ANKS1B: variants seen among roughly 807,000 people sequenced by gnomAD.
ANKS1B encodes the protein ankyrin repeat and sterile alpha motif domain containing 1B, also known as ankyrin repeat and sterile alpha motif domain-containing protein 1B.
In ANKS1B, 36 loss-of-function variants were observed where a neutral mutation model predicts 148.3. The ratio of observed to expected loss-of-function variants is 0.24; its 90% CI spans 0.19 to 0.32. ANKS1B has a LOEUF of 0.32. ANKS1B is among the 10% of genes least tolerant of loss of function. ANKS1B has a pLI of 1.00. For synonymous variants in ANKS1B, 542 were observed against 560.8 expected, an observed-to-expected ratio of 0.97 and a Z score of 0.47; for missense variants, 1,157 against 1,542.6, an observed-to-expected ratio of 0.75 and a Z score of 4.19.
At chr12:99,939,327 C>T (rs763604219) in intron 1 of ANKS1B, among the ~76,000 whole-genome samples, 1 of 152,080 alleles carries the variant, frequency 6.6e-6, no homozygotes, top group Admixed American at 6.5e-5. Context: ...TGGGCTCAAG[C>T]AATCCTCCCA....
chr12:99,093,236 C>T (rs2054687534), intron 15 of ANKS1B: 1 of 152,226 alleles, frequency 6.6e-6, no homozygotes, highest in African/African-American at 2.4e-5. Context: ...TCTGAAAGGT[C>T]AACTGGTTAG....
intron 8 of ANKS1B, among the ~76,000 whole-genome samples, chr12:99,704,701 C>T (rs1187316163): frequency 1.3e-5 from 2 of 151,964 alleles, no homozygotes; most frequent in East Asian, 1.9e-4. Flanking sequence ...CATTCCCAAG[C>T]CAGGTCAAGA....
intron 15 of ANKS1B, 25 bp from the exon 16 acceptor site, chr12:99,085,048 A>G: frequency 6.5e-7 from 1 of 1,545,270 alleles, no homozygotes; most frequent in South Asian, 1.2e-5. Context: ...AAATGTTACA[A>G]GTTAAATCAA....
At chr12:99,542,926 G>A (rs1252141935) in intron 9 of ANKS1B, among the ~76,000 whole-genome samples, 1 of 151,802 alleles carries the variant, frequency 6.6e-6, no homozygotes, top group Non-Finnish European at 1.5e-5. Flanking sequence ...CCTTGGATAG[G>A]GTAATGGTTT....
intron 8 of ANKS1B, among the ~76,000 whole-genome samples, chr12:99,716,529 C>T (rs953056862): frequency 6.6e-6 from 1 of 152,116 alleles, no homozygotes; most frequent in Non-Finnish European, 1.5e-5. Flanking sequence ...AACCTAAATG[C>T]CTTATTTTCT....
intron 14 of ANKS1B, among the ~76,000 whole-genome samples, chr12:99,157,530 T>C (rs1489430888): frequency 6.6e-6 from 1 of 152,178 alleles, no homozygotes; most frequent in Admixed American, 6.6e-5. Flanking sequence ...GAATAAATGA[T>C]ATTGGAAATG....
intron 17 of ANKS1B, among the ~76,000 whole-genome samples, chr12:99,051,563 G>A (rs556092352): frequency 7.2e-5 from 11 of 152,344 alleles, no homozygotes; most frequent in African/African-American, 2.4e-4. Context: ...GTTCTTGACA[G>A]AGAATTGAAA....
chr12:99,305,291 T>C (rs575054356), intron 12 of ANKS1B, among the ~76,000 whole-genome samples: 1 of 152,136 alleles, frequency 6.6e-6, no homozygotes, highest in African/African-American at 2.4e-5. Context: ...GGGTCAAACA[T>C]CCAAACTATA....
At chr12:99,069,062 T>C (rs940094662) in intron 16 of ANKS1B, among the ~76,000 whole-genome samples, 2 of 152,158 alleles carry the variant, frequency 1.3e-5, no homozygotes, top group South Asian at 4.1e-4. Flanking sequence ...TCCATTCCCA[T>C]CTCTGGACTT....
chr12:99,237,787 T>C (rs889883784), intron 14 of ANKS1B, among the ~76,000 whole-genome samples: 9 of 152,242 alleles, frequency 5.9e-5, no homozygotes, highest in African/African-American at 2.2e-4. Context: ...TGTGTCTATA[T>C]ATATACATAT....
intron 17 of ANKS1B, among the ~76,000 whole-genome samples, chr12:98,937,386 G>A (rs956433462): frequency 2.0e-5 from 3 of 151,900 alleles, no homozygotes; most frequent in Non-Finnish European, 2.9e-5. Context: ...CTTTAGTATG[G>A]CATTTATGTC....
downstream of ANKS1B, among the ~76,000 whole-genome samples, chr12:98,739,838 G>A (rs2153351376): frequency 6.6e-6 from 1 of 152,150 alleles, no homozygotes; most frequent in East Asian, 1.9e-4. Context: ...CCCCATTCCT[G>A]TACTGCCCAA....
At chr12:98,823,536 C>T (rs1035145634) in intron 19 of ANKS1B, among the ~76,000 whole-genome samples, 1 of 152,246 alleles carries the variant, frequency 6.6e-6, no homozygotes, top group Non-Finnish European at 1.5e-5. Flanking sequence ...GTCACTCAGG[C>T]TGGAGTGCAG....
At chr12:99,851,698 A>T (rs2087873433) in intron 1 of ANKS1B, among the ~76,000 whole-genome samples, 1 of 152,122 alleles carries the variant, frequency 6.6e-6, no homozygotes, top group Admixed American at 6.5e-5. Context: ...ATGAAAGATG[A>T]TGTTGGTAAC....
At chr12:99,632,866 C>G (rs1449730814) in intron 9 of ANKS1B, among the ~76,000 whole-genome samples, 1 of 145,486 alleles carries the variant, frequency 6.9e-6, no homozygotes, top group Non-Finnish European at 1.5e-5. Context: ...CCCAGTAACT[C>G]GTCATTTACA....
intron 14 of ANKS1B, among the ~76,000 whole-genome samples, chr12:99,198,611 G>T (rs536459014): frequency 6.6e-6 from 1 of 152,104 alleles, no homozygotes; most frequent in Non-Finnish European, 1.5e-5. Flanking sequence ...TAAGAAATTG[G>T]TTGTAATCAA....
intron 9 of ANKS1B, among the ~76,000 whole-genome samples, chr12:99,563,491 C>T (rs777743862): frequency 5.3e-5 from 8 of 151,984 alleles, no homozygotes; most frequent in South Asian, 2.1e-4. Flanking sequence ...AATAGCTAGT[C>T]GGTGGAGCAG....
At chr12:98,971,303 C>G (rs1270465473) in intron 17 of ANKS1B, among the ~76,000 whole-genome samples, 1 of 152,106 alleles carries the variant, frequency 6.6e-6, no homozygotes, top group Non-Finnish European at 1.5e-5. Flanking sequence ...GTGAAAATGC[C>G]TGATGTAAAT....
intron 12 of ANKS1B, among the ~76,000 whole-genome samples, chr12:99,331,435 C>T (rs897396063): frequency 6.6e-6 from 1 of 151,986 alleles, no homozygotes. Flanking sequence ...CCAGCCAAAT[C>T]TCCGTTTCTC....
Sources: gnomAD v4.1 joint callset for allele counts (sites outside exome capture counted in the v4.1 genomes callset) on GRCh38, gnomAD v4.1.1 for gene constraint, MANE v1.5 for transcripts, NCBI Gene and HGNC (gene_info 2026-07-23, HGNC 2026-07-21) for gene names.